SMC2: variants seen among roughly 807,000 people sequenced by gnomAD.
SMC2 encodes structural maintenance of chromosomes protein 2.
SMC2 carries 41 observed loss-of-function variants against 142.6 expected under a neutral mutation model. The observed-to-expected ratio is 0.29, with a 90% confidence interval of 0.22 to 0.37. SMC2 has a LOEUF of 0.37. SMC2 is among the 10% of genes least tolerant of loss of function. The probability of loss-of-function intolerance (pLI) is 1.00; values close to 1 mark genes in which losing one functional copy is unlikely to be tolerated. For synonymous variants in SMC2, 463 were observed against 457.5 expected (o/e 1.01, Z -0.15); for missense variants, 1,265 against 1,373.7 (o/e 0.92, Z 1.25).
At position 104,139,422 on chromosome 9, in the gene SMC2, T is replaced by C. The variant is rs1835882298; in HGVS notation, c.*107T>C. 1 of 850,098 alleles carries C rather than the reference T, an allele frequency of 1.2e-6. No individual in the cohort carries two copies. Among genetic ancestry groups the C allele is most frequent in the African/African-American group, 1.8e-5 (1 of 55,046 alleles). The allele number at this position is 850,098 out of a possible 1,614,324, so 52.7% of individuals were successfully genotyped here. ...ACAAAAATTAATGTTACTGTGTTAC[T>C]TAACCCATGTTTTCTCTTTATATAA... On this transcript the variant is annotated 3_prime_UTR_variant, in exon 25 of 25. Coordinates refer to ENST00000374793, the MANE Select transcript of SMC2 (RefSeq NM_006444.3).
intron 15 of SMC2, among the ~76,000 whole-genome samples, chr9:104,118,797 C>T (rs1056643399): frequency 1.3e-5 from 2 of 152,176 alleles, no homozygotes; most frequent in African/African-American, 4.8e-5. Context: ...GCATTAGTCA[C>T]ATTTCAAGAG....
At chr9:104,089,600 A>G (rs1032512968), upstream of SMC2, among the ~76,000 whole-genome samples, 3 of 152,194 alleles carry the variant, frequency 2.0e-5, no homozygotes, top group African/African-American at 7.2e-5. Context: ...CTGGAAAAAC[A>G]GAAAGAAACG....
intron 15 of SMC2, 29 bp downstream of exon 15, chr9:104,118,404 ATTCT>A: frequency 6.4e-7 from 1 of 1,573,576 alleles, no homozygotes; most frequent in Non-Finnish European, 8.7e-7. Context: ...TCTCCTCACA[ATTCT>A]TTGTGGTAAA....
At chr9:104,125,849 T>TTTCACCTAAATATATTTCCCTC (rs1419760085) in intron 18 of SMC2, among the ~76,000 whole-genome samples, 2 of 152,212 alleles carry the variant, frequency 1.3e-5, no homozygotes, top group African/African-American at 4.8e-5. Flanking sequence ...TTTTATGCGA[T>TTTCACCTAAATATATTTCCCTC]TTCACCTAAA....
chr9:104,102,630 AGT>A, intron 9 of SMC2, 57 bp downstream of exon 9: 1 of 1,494,492 alleles, frequency 6.7e-7, no homozygotes, highest in Non-Finnish European at 9.0e-7. Context: ...TAGTCTCATT[AGT>A]GTACATTTAT....
chr9:104,124,985 A>G lies in SMC2; in HGVS notation c.2331A>G (p.Glu777=). 1 of 1,603,634 alleles carries G rather than the reference A, an allele frequency of 6.2e-7. No homozygotes were observed. Among genetic ancestry groups the G allele is most frequent in the Non-Finnish European group, 8.5e-7 (1 of 1,177,538 alleles). The change falls in exon 18 of 25, where the codon GAA becomes GAG. Residue 777 remains glutamate (E), a synonymous_variant. Transcript: ENST00000374793. The part of the protein sequence containing the change: ...RKAEEKYEVL[E]NKMKNAEAER... ...CAGAAGAAAAATATGAAGTATTGGAAAATAAAATGAAAAATGCAGAAGCTG... is the reference window on the plus strand; with the variant it reads ...CAGAAGAAAAATATGAAGTATTGGAGAATAAAATGAAAAATGCAGAAGCTG...
At chr9:104,108,118 A>C (rs890254392) in intron 9 of SMC2, among the ~76,000 whole-genome samples, 2 of 152,212 alleles carry the variant, frequency 1.3e-5, no homozygotes. Flanking sequence ...CTCACAGCAG[A>C]TAAGCAATAA....
chr9:104,094,009 G>T (rs1000659202), upstream of SMC2, among the ~76,000 whole-genome samples: 1 of 152,208 alleles, frequency 6.6e-6, no homozygotes, highest in Middle Eastern at 3.2e-3. Flanking sequence ...TGTGCCTAAC[G>T]CGAACTAGAG....
At position 104,140,326 on chromosome 9, in the gene SMC2, A is replaced by G. The variant is rs1218884092; in HGVS notation, c.*1011A>G. On this transcript the variant is annotated 3_prime_UTR_variant, in exon 25 of 25. Coordinates refer to ENST00000374793, the MANE Select transcript of SMC2 (RefSeq NM_006444.3). ...AGGGATGAAATTCCTTTAGAACTTG[A>G]AAGATGACACTAGCGAACACCATGA... The G allele has an allele frequency of 6.6e-6, 1 of 152,170 alleles. No homozygotes were observed. The highest frequency in any genetic ancestry group is 1.5e-5 in the Non-Finnish European group (1 of 68,012). 9.4% of individuals were successfully genotyped at this position (152,170 alleles called of 1,614,324 possible).
intron 16 of SMC2, 95 bp from the exon 17 acceptor site, chr9:104,123,013 G>T: frequency 7.8e-7 from 1 of 1,281,942 alleles, no homozygotes. Flanking sequence ...TATAACGTAT[G>T]TGAGTTTATT....
At chr9:104,093,271 G>A (rs952405025), upstream of SMC2, among the ~76,000 whole-genome samples, 3 of 152,130 alleles carry the variant, frequency 2.0e-5, no homozygotes, top group African/African-American at 4.8e-5. Flanking sequence ...GCTTGGAAAC[G>A]TGAGCAATCC....
chr9:104,127,061 A>G (rs188595612), intron 19 of SMC2, among the ~76,000 whole-genome samples: 1 of 152,138 alleles, frequency 6.6e-6, no homozygotes, highest in Non-Finnish European at 1.5e-5. Context: ...CAGCATGAGC[A>G]TTGTACCTCC....
intron 20 of SMC2, 63 bp downstream of exon 20, chr9:104,127,543 T>A: frequency 8.1e-7 from 1 of 1,236,558 alleles, no homozygotes; most frequent in Non-Finnish European, 1.1e-6. Context: ...CTTGAAAAAA[T>A]TTAGAAAACT....
intron 16 of SMC2, 42 bp from the exon 17 acceptor site, chr9:104,123,066 G>A: frequency 6.3e-7 from 1 of 1,578,404 alleles, no homozygotes; most frequent in South Asian, 1.2e-5. Flanking sequence ...TCAAATACCA[G>A]AAAAATGACA....
Position 104,111,794 on chromosome 9 carries a change from G to T in SMC2, c.1234G>T (p.Ala412Ser). Residue 412 changes from alanine to serine, a missense_variant, in exon 10 of 25, where the codon GCT becomes TCT. Physicochemically the swap from Ala to Ser is moderately conservative, Grantham distance 99. Coordinates refer to ENST00000374793, the MANE Select transcript of SMC2 (RefSeq NM_006444.3). The stretch of plus-strand genomic sequence containing the variant: ...GGCCTGTAAAAATGATATAAGTAAA[G>T]CTCAGACAGAAGCCAAACAGGTAAA... ...MMACKNDISK[A>S]QTEAKQAQMK... The T allele has an allele frequency of 6.2e-7, 1 of 1,613,336 alleles. No individual in the cohort carries two copies. Among genetic ancestry groups the T allele is most frequent in the Non-Finnish European group, 8.5e-7 (1 of 1,179,622 alleles).
At chr9:104,130,499 TTC>T (rs1490266799) in intron 21 of SMC2, among the ~76,000 whole-genome samples, 1 of 152,108 alleles carries the variant, frequency 6.6e-6, no homozygotes, top group Admixed American at 6.5e-5. Context: ...TGCTGGAAAA[TTC>T]TGTTTGAATT....
In SMC2 at chr9:104,111,736, T is replaced by C; in HGVS notation, c.1176T>C (p.Asp392=). 3 of 1,614,102 alleles carry C rather than the reference T, an allele frequency of 1.9e-6. No homozygotes were observed. The highest frequency in any genetic ancestry group is 8.5e-7 in the Non-Finnish European group (1 of 1,179,964). The change falls in exon 10 of 25, where the codon GAT becomes GAC. Residue 392 remains aspartate (D), a synonymous_variant. Transcript: ENST00000374793. ...AVSAGLSSNE[D]GAEATLAGQM... is the part of the protein sequence containing the mutation. The stretch of plus-strand genomic sequence containing the variant: ...CCGCTGGCCTGTCCAGTAATGAAGA[T>C]GGAGCAGAAGCAACTCTTGCTGGTC...
chr9:104,092,504 A>T (rs1564055356), upstream of SMC2: 1 of 152,250 alleles, frequency 6.6e-6, no homozygotes, highest in Non-Finnish European at 1.5e-5. Context: ...AAAAGGAAGG[A>T]GACACAGCTC....
In SMC2 at chr9:104,138,019, T is replaced by A. The variant is rs758419284; in HGVS notation, c.3271T>A (p.Ser1091Thr). 15 of 1,567,192 alleles carry A rather than the reference T, an allele frequency of 9.6e-6. No homozygotes were observed. In the South Asian group the frequency reaches 1.6e-4, roughly 16 times the overall value. Residue 1091 changes from serine (S) to threonine (T), a missense_variant and splice_region_variant, in exon 24 of 25, where the codon TCT becomes ACT. Physicochemically the swap from Ser to Thr is moderately conservative, Grantham distance 58 (BLOSUM62 1). This residue lies in a region of SMC2 where 192 missense variants were observed against 261.9 expected (regional missense o/e 0.73). Transcript: ENST00000374793. ...GCTTTTCTTCTGACCTTTTCTTAGG[T>A]CTTTAGTGGCCTTGTCATTAATACT... Reference protein sequence around the residue: ...NLTELSGGQRSLVALSLILSM... With the variant: ...NLTELSGGQRTLVALSLILSM...
Sources: allele counts gnomAD v4.1 joint callset (sites outside exome capture counted in the v4.1 genomes callset), GRCh38; gene constraint gnomAD v4.1.1; regional missense constraint gnomAD v4.1.1; transcripts MANE v1.5; gene names NCBI Gene and HGNC (gene_info 2026-07-23, HGNC 2026-07-21).